ZNF280C: variants seen among roughly 807,000 people sequenced by gnomAD.
The protein encoded by ZNF280C is zinc finger protein 280C.
A neutral mutation model predicts 53.6 loss-of-function variants in ZNF280C; 14 were observed. The observed-to-expected ratio is 0.26, with a 90% CI of 0.17 to 0.41. The LOEUF (loss-of-function observed/expected upper bound fraction) is 0.41, where lower values mean the gene tolerates loss of function less well. Ranked by LOEUF, ZNF280C falls within the 10% of genes least tolerant of loss-of-function variation. ZNF280C has a pLI of 1.00. For synonymous variants in ZNF280C, 203 were observed against 181.1 expected (o/e 1.12, Z -0.97); for missense variants, 416 against 547.1 (o/e 0.76, Z 2.39).
chrX:130,264,043 A>AAAAGAAAGAAAGAAAGAAAGAAAGAAAG (rs766511417), intron 1 of ZNF280C, among the ~76,000 whole-genome samples: 15 of 103,014 alleles, frequency 1.5e-4, no homozygotes, highest in African/African-American at 5.5e-4. Flanking sequence ...AAAAAAAAAG[A>AAAAGAAAGAAAGAAAGAAAGAAAGAAAG]AAAGAAAGAA....
intron 16 of ZNF280C, 76 bp from the exon 17 acceptor site, chrX:130,205,491 C>T (rs1373512576): frequency 1.5e-6 from 1 of 683,472 alleles, no homozygotes; most frequent in Non-Finnish European, 2.2e-6. Flanking sequence ...AATTACTTTT[C>T]CATGTACTAA....
At chrX:130,219,084 C>T (rs112100674) in intron 13 of ZNF280C, among the ~76,000 whole-genome samples, 2 of 111,696 alleles carry the variant, frequency 1.8e-5, no homozygotes, top group African/African-American at 3.3e-5. Flanking sequence ...CAGACATACT[C>T]GCATTCAAAA....
At chrX:130,218,034 C>T (rs952026074) in intron 13 of ZNF280C, among the ~76,000 whole-genome samples, 3 of 110,950 alleles carry the variant, frequency 2.7e-5, no homozygotes, top group African/African-American at 9.8e-5. Context: ...TGGTGACATC[C>T]GCCTGTGGTC....
chrX:130,239,603 T>C lies in ZNF280C; in HGVS notation c.472A>G (p.Ile158Val). Reference sequence around the variant, plus strand: ...AAACCTTCTCTAAAAATTGCTGGTATGTCTTGGGATGGTGGTAGTGATTCC... The same window carrying C: ...AAACCTTCTCTAAAAATTGCTGGTACGTCTTGGGATGGTGGTAGTGATTCC... ...TQESLPPSQD[I>V]PAIFREGMKN... The change falls in exon 6 of 19, where the codon ATA (isoleucine) becomes GTA (valine). Residue 158 changes from isoleucine to valine, a missense_variant. By Grantham distance (29) the Ile-to-Val change is conservative. Around this residue, in one of 3 missense-constraint regions of ZNF280C, gnomAD observed 193 missense variants for 201.4 expected, o/e 0.96. Coordinates refer to ENST00000370978, the MANE Select transcript of ZNF280C (RefSeq NM_017666.5). 8.4e-7 allele frequency: 1 copy of C among 1,183,984 alleles called. No homozygotes were observed. Among genetic ancestry groups the C allele is most frequent in the Non-Finnish European group, 1.1e-6 (1 of 874,980 alleles).
rs1222885009 is a variant in ZNF280C, at chrX:130,215,842, T to C, written c.1787A>G (p.Lys596Arg). ...TTTATTTTTTCTGTTGCGCTGTCGC[T>C]TTTGCTTGTAAGAGGGTTTTGCTTT... ...KSKAKPSYKQ[K>R]RQRNRKNKMS... is the part of the protein sequence containing the mutation. The change falls in exon 14 of 19, where the codon AAG becomes AGG. Residue 596 changes from lysine (K) to arginine (R), a missense_variant. Lys to Arg is a conservative substitution (Grantham distance 26). Coordinates refer to ENST00000370978, the MANE Select transcript of ZNF280C (RefSeq NM_017666.5). 8.3e-7 allele frequency: 1 copy of C among 1,208,345 alleles called. No homozygotes were observed. Among genetic ancestry groups the C allele is most frequent in the Non-Finnish European group, 1.1e-6 (1 of 894,643 alleles).
chrX:130,223,214 A>G (rs1171416107), intron 12 of ZNF280C, among the ~76,000 whole-genome samples: 1 of 110,253 alleles, frequency 9.1e-6, no homozygotes, highest in Non-Finnish European at 1.9e-5. Flanking sequence ...GCACCACCAC[A>G]CCCAGCTAAT....
intron 2 of ZNF280C, among the ~76,000 whole-genome samples, chrX:130,257,954 C>T (rs973818722): frequency 9.1e-6 from 1 of 110,172 alleles, no homozygotes; most frequent in Non-Finnish European, 1.9e-5. Flanking sequence ...ACTAAAATTA[C>T]AAAAATTACA....
At chrX:130,254,924 G>A (rs2032550261) in intron 2 of ZNF280C, among the ~76,000 whole-genome samples, 1 of 107,027 alleles carries the variant, frequency 9.3e-6, no homozygotes, top group African/African-American at 3.4e-5. Flanking sequence ...GTTAAAAAAA[G>A]AAGACACAGA....
At chrX:130,243,018 C>T (rs773908501) in intron 5 of ZNF280C, among the ~76,000 whole-genome samples, 1 of 111,678 alleles carries the variant, frequency 9.0e-6, no homozygotes, top group Non-Finnish European at 1.9e-5. Context: ...GTATAGTTTT[C>T]AATACTGTAT....
At chrX:130,230,776 T>G in intron 8 of ZNF280C, 49 bp from the exon 9 acceptor site, 1 of 837,775 alleles carries the variant, frequency 1.2e-6, no homozygotes, top group Non-Finnish European at 1.7e-6. Context: ...TTTTAAAGAT[T>G]AGATACCAAA....
intron 2 of ZNF280C, among the ~76,000 whole-genome samples, chrX:130,257,689 C>CCT (rs1411958212): frequency 2.7e-5 from 3 of 111,174 alleles, no homozygotes; most frequent in East Asian, 2.8e-4. Context: ...CCTATCTCTA[C>CCT]CTCTCTCTCT....
At chrX:130,238,188 G>A (rs896931153) in intron 6 of ZNF280C, among the ~76,000 whole-genome samples, 12 of 111,139 alleles carry the variant, frequency 1.1e-4, no homozygotes, top group South Asian at 3.7e-4. Context: ...TGAACATATA[G>A]CACATATTAT....
chrX:130,224,233 C>T (rs1410289134), intron 12 of ZNF280C, among the ~76,000 whole-genome samples: 1 of 111,777 alleles, frequency 8.9e-6, no homozygotes, highest in African/African-American at 3.2e-5. Flanking sequence ...CCACCCCTTC[C>T]CCCATGTGAA....
At chrX:130,260,213 T>G (rs948003420) in intron 2 of ZNF280C, among the ~76,000 whole-genome samples, 12 of 109,027 alleles carry the variant, frequency 1.1e-4, no homozygotes, top group African/African-American at 3.7e-4. Flanking sequence ...ACCCAGGAGG[T>G]GGAGCTTGCA....
intron 1 of ZNF280C, among the ~76,000 whole-genome samples, chrX:130,265,852 TTGA>T (rs1202868570): frequency 1.8e-5 from 2 of 112,486 alleles, no homozygotes; most frequent in East Asian, 5.5e-4. Context: ...TACCGTTAAG[TTGA>T]TGAATACAAG....
chrX:130,260,990 TTATTAC>T (rs2032624583), intron 1 of ZNF280C, among the ~76,000 whole-genome samples: 1 of 112,415 alleles, frequency 8.9e-6, no homozygotes, highest in African/African-American at 3.2e-5. Context: ...TTCAGAAATA[TTATTAC>T]TATAAGAAAA....
rs555619130 is a variant in ZNF280C, at chrX:130,247,788, G to A, written c.32-783C>T. ...TACATAGGAGATATACTAGAAAAAC[G>A]GAACCAGATTCAGGTATATCAGGCA... On this transcript the variant is annotated intron_variant, in intron 2 of 18. Transcript: ENST00000370978. Among the ~76,000 whole-genome samples, 25 of 110,495 alleles carry A rather than the reference G, an allele frequency of 2.3e-4. No individual in the cohort carries two copies. The South Asian group carries it at 7.1e-3, about 32-fold the overall frequency.
chrX:130,210,977 T>C, intron 15 of ZNF280C, among the ~76,000 whole-genome samples: 1 of 112,237 alleles, frequency 8.9e-6, no homozygotes, highest in East Asian at 2.8e-4. Flanking sequence ...TTCCCAAGTT[T>C]TCCAGCTGAT....
chrX:130,263,945 A>C (rs933787916), intron 1 of ZNF280C, among the ~76,000 whole-genome samples: 6 of 106,484 alleles, frequency 5.6e-5, no homozygotes, highest in African/African-American at 2.1e-4. Flanking sequence ...GAATAGCTTG[A>C]ACCTGGGAGG....
Sources: allele counts gnomAD v4.1 joint callset (sites outside exome capture counted in the v4.1 genomes callset), GRCh38; gene constraint gnomAD v4.1.1; regional missense constraint gnomAD v4.1.1; transcripts MANE v1.5; gene names NCBI Gene and HGNC (gene_info 2026-07-23, HGNC 2026-07-21).